CYP4B1: variants seen among roughly 807,000 people sequenced by gnomAD.
CYP4B1 encodes the protein cytochrome P450 family 4 subfamily B member 1.
A neutral mutation model predicts 54.0 loss-of-function variants in CYP4B1; 45 were observed. The ratio of observed to expected loss-of-function variants is 0.83; its 90% confidence interval spans 0.66 to 1.07. The LOEUF (loss-of-function observed/expected upper bound fraction) is 1.07, where lower values mean the gene tolerates loss of function less well. CYP4B1 is among the 50% of genes least tolerant of loss of function. The pLI is 0.00. For synonymous variants in CYP4B1, 248 were observed against 247.5 expected (o/e 1.00, Z -0.02); for missense variants, 656 against 655.4 (o/e 1.00, Z -0.01).
At chr1:46,817,816 C>A in intron 9 of CYP4B1, 149 bp from the exon 10 acceptor site, 1 of 703,690 alleles carries the variant, frequency 1.4e-6, no homozygotes, top group Non-Finnish European at 2.6e-6. Flanking sequence ...TGTGATGAGT[C>A]GGATGTGGTC....
At chr1:46,813,716 G>A (rs1679208576) in intron 5 of CYP4B1, 110 bp downstream of exon 5, 2 of 1,521,390 alleles carry the variant, frequency 1.3e-6, no homozygotes, top group East Asian at 2.3e-5. Context: ...CCTGCCCCAG[G>A]GAGCCTTAGC....
chr1:46,815,774 T>C (rs2148410743), intron 8 of CYP4B1, among the ~76,000 whole-genome samples: 1 of 152,316 alleles, frequency 6.6e-6, no homozygotes, highest in East Asian at 1.9e-4. Flanking sequence ...TTCCCCTGTT[T>C]CTTGGCTCAA....
At chr1:46,800,541 G>A (rs1678616871) in intron 1 of CYP4B1, among the ~76,000 whole-genome samples, 1 of 151,966 alleles carries the variant, frequency 6.6e-6, no homozygotes, top group South Asian at 2.1e-4. Flanking sequence ...TGTTGGGCAG[G>A]CTGGTCTCAA....
intron 7 of CYP4B1, chr1:46,814,690 C>T (rs909694211): frequency 3.0e-6 from 1 of 331,756 alleles, no homozygotes; most frequent in Non-Finnish European, 5.6e-6. Context: ...TGGGTCATTT[C>T]CGTGCTAGGA....
intron 1 of CYP4B1, among the ~76,000 whole-genome samples, chr1:46,803,488 G>C (rs1354458949): frequency 6.6e-6 from 1 of 152,184 alleles, no homozygotes; most frequent in Admixed American, 6.5e-5. Flanking sequence ...CAACACAGCT[G>C]GACTAGAGCA....
chr1:46,807,401 T>C (rs1181277935), intron 1 of CYP4B1, among the ~76,000 whole-genome samples: 1 of 152,174 alleles, frequency 6.6e-6, no homozygotes, highest in African/African-American at 2.4e-5. Flanking sequence ...CTTAAGCCTT[T>C]CCTTGACCCA....
chr1:46,811,224 A>C, intron 3 of CYP4B1, 40 bp downstream of exon 3: 1 of 1,604,574 alleles, frequency 6.2e-7, no homozygotes. Flanking sequence ...CCAACCTCAG[A>C]CCCGTGGTGC....
chr1:46,815,003 A>G lies in CYP4B1; in HGVS notation c.883-71A>G, dbSNP rs1458940669. 8.6e-6 allele frequency: 12 copies of G among 1,393,328 alleles called. No homozygotes were observed. The East Asian group carries it at 2.8e-4, about 32-fold the overall frequency. The allele number at this position is 1,393,328 out of a possible 1,614,324, so 86.3% of individuals were successfully genotyped here. Reference sequence around the variant, plus strand: ...TCCCAGAGACCTTCATTTGACAACCACCATTATGAGTTCTTCTTGTTACCC... The same window carrying G: ...TCCCAGAGACCTTCATTTGACAACCGCCATTATGAGTTCTTCTTGTTACCC... On this transcript the variant is annotated intron_variant, in intron 7 of 11. Coordinates refer to ENST00000371923, the MANE Select transcript of CYP4B1 (RefSeq NM_001099772.2).
At position 46,813,609 on chromosome 1, in the gene CYP4B1, C is replaced by T. The variant is rs931603264; in HGVS notation, c.620+3C>T. 1.2e-6 allele frequency: 2 copies of T among 1,613,812 alleles called. No individual in the cohort carries two copies. The highest frequency in any genetic ancestry group is 1.7e-6 in the Non-Finnish European group (2 of 1,180,010). ...GGAGACACCGGCCTGGGCCACAGGT[C>T]AGGAGCCACCTCGGGGCTGACCGCA... On this transcript the variant is annotated splice_donor_region_variant and intron_variant, in intron 5 of 11. Transcript: ENST00000371923.
chr1:46,814,274 C>G lies in CYP4B1; in HGVS notation c.841C>G (p.Arg281Gly). The change falls in exon 7 of 12, where the codon CGG becomes GGG. Residue 281 changes from arginine to glycine, a missense_variant. By Grantham distance (125) the Arg-to-Gly change is moderately radical. Coordinates refer to ENST00000371923, the MANE Select transcript of CYP4B1 (RefSeq NM_001099772.2). ...GAAGGTGCGGAAGAAGATCCAGAAC[C>G]GGAGGCACCTGGACTTCCTGGACAT... Reference protein sequence around the residue: ...DEKVRKKIQNRRHLDFLDILL... With the variant: ...DEKVRKKIQNGRHLDFLDILL... 6.2e-7 allele frequency: 1 copy of G among 1,614,132 alleles called. No homozygotes were observed. The highest frequency in any genetic ancestry group is 8.5e-7 in the Non-Finnish European group (1 of 1,180,026).
chr1:46,802,078 C>T (rs965856109), intron 1 of CYP4B1, among the ~76,000 whole-genome samples: 1 of 152,122 alleles, frequency 6.6e-6, no homozygotes, highest in African/African-American at 2.4e-5. Flanking sequence ...TTCCAGGGTC[C>T]CCCTCATTCC....
In CYP4B1 at chr1:46,818,334, G is replaced by A. The variant is rs1045107543; in HGVS notation, c.1355+121G>A. The stretch of plus-strand genomic sequence containing the variant: ...AGGGGAATCATGCTGGGTTTGTGGT[G>A]GTTCTAATGCAGGAGGCTTCTTCTT... On this transcript the variant is annotated intron_variant, in intron 11 of 11. Transcript: ENST00000371923. The A allele has an allele frequency of 6.2e-6, 6 of 968,488 alleles. No homozygotes were observed. The African/African-American group carries it at 9.7e-5, about 16-fold the overall frequency. The allele number at this position is 968,488 out of a possible 1,614,324, so 60.0% of individuals were successfully genotyped here. A position where few individuals can be genotyped will look rare whatever the true frequency, so the allele number is the denominator to read the frequency against.
chr1:46,817,166 C>G lies in CYP4B1; in HGVS notation c.1192C>G (p.Arg398Gly), dbSNP rs779184367. The part of the protein sequence containing the change: ...LSKPVTFVDG[R>G]SLPAGSLISM... ...CAAGCCTGTCACCTTTGTGGATGGCCGGTCTCTACCTGCAGGTGGGATGGG... is the reference window on the plus strand; with the variant it reads ...CAAGCCTGTCACCTTTGTGGATGGCGGGTCTCTACCTGCAGGTGGGATGGG... Residue 398 changes from arginine to glycine, a missense_variant, in exon 9 of 12, where the codon CGG becomes GGG. Arg to Gly is a moderately radical substitution (Grantham distance 125). Transcript: ENST00000371923. 1 of 1,614,144 alleles carries G rather than the reference C, an allele frequency of 6.2e-7. No individual in the cohort carries two copies. The highest frequency in any genetic ancestry group is 1.1e-5 in the South Asian group (1 of 91,080).
chr1:46,799,226 C>T lies in CYP4B1; in HGVS notation c.145C>T (p.Pro49Ser), dbSNP rs1013006446. The change falls in exon 1 of 12, where the codon CCT becomes TCT. Residue 49 changes from proline to serine, a missense_variant. Transcript: ENST00000371923. Reference sequence around the variant, plus strand: ...TAAGGCTATGGACAAATTCCCAGGGCCTCCCACCCACTGGCTTTTTGGACA... The same window carrying T: ...TAAGGCTATGGACAAATTCCCAGGGTCTCCCACCCACTGGCTTTTTGGACA... ...LAKAMDKFPG[P>S]PTHWLFGHAL... 2 of 1,603,218 alleles carry T rather than the reference C, an allele frequency of 1.2e-6. No individual in the cohort carries two copies. Among genetic ancestry groups the T allele is most frequent in the Non-Finnish European group, 8.5e-7 (1 of 1,174,776 alleles).
chr1:46,815,292 C>A (rs753456688), intron 8 of CYP4B1, 28 bp downstream of exon 8: 1 of 1,515,466 alleles, frequency 6.6e-7, no homozygotes. Flanking sequence ...CCCGGTTTAT[C>A]CTGCTCAGCC....
intron 7 of CYP4B1, 98 bp from the exon 8 acceptor site, chr1:46,814,976 C>A: frequency 9.2e-7 from 1 of 1,081,250 alleles, no homozygotes; most frequent in Non-Finnish European, 1.4e-6. Context: ...GCTTTCACTC[C>A]CTCCCAGAGA....
At chr1:46,814,655 C>G in intron 7 of CYP4B1, 1 of 326,784 alleles carries the variant, frequency 3.1e-6, no homozygotes, top group Non-Finnish European at 5.6e-6. Flanking sequence ...TTCATCAATT[C>G]TAGAAACTCA....
chr1:46,818,071 C>G (rs1569921900), intron 10 of CYP4B1, 42 bp downstream of exon 10: 1 of 1,613,372 alleles, frequency 6.2e-7, no homozygotes, highest in Non-Finnish European at 8.5e-7. Flanking sequence ...GGGTGGGGGA[C>G]TGGGAGGGTC....
At chr1:46,800,081 TGG>T (rs1314630109) in intron 1 of CYP4B1, among the ~76,000 whole-genome samples, 1 of 152,212 alleles carries the variant, frequency 6.6e-6, no homozygotes, top group Non-Finnish European at 1.5e-5. Flanking sequence ...GCAGCCAGCT[TGG>T]GGAATCCAGG....
Sources: allele counts gnomAD v4.1 joint callset (sites outside exome capture counted in the v4.1 genomes callset), GRCh38; gene constraint gnomAD v4.1.1; transcripts MANE v1.5; gene names NCBI Gene and HGNC (gene_info 2026-07-23, HGNC 2026-07-21).